Variants in TRMT9B observed in about 807,000 individuals in gnomAD.
TRMT9B encodes the protein tRNA methyltransferase 9B (putative), also known as probable tRNA methyltransferase 9B.
TRMT9B carries 16 observed loss-of-function variants against 11.5 expected under a neutral mutation model. The ratio of observed to expected loss-of-function variants is 1.39; its 90% CI spans 0.94 to 2.11. The LOEUF (loss-of-function observed/expected upper bound fraction) is 2.11. Among genes scored for constraint, TRMT9B ranks in the 30% most tolerant of loss-of-function variants. The pLI is 0.00. For synonymous variants in TRMT9B, 274 were observed against 192.4 expected (o/e 1.42, Z -3.51); for missense variants, 941 against 553.8 (o/e 1.70, Z -7.02).
chr8:13,019,219 C>T (rs766619125), intron 4 of TRMT9B, among the ~76,000 whole-genome samples: 4 of 152,126 alleles, frequency 2.6e-5, no homozygotes, highest in African/African-American at 4.8e-5. Context: ...CCATAGAAGA[C>T]GCTCTAAAGT....
At chr8:13,016,519 G>C (rs1393865158) in intron 4 of TRMT9B, among the ~76,000 whole-genome samples, 1 of 151,260 alleles carries the variant, frequency 6.6e-6, no homozygotes, top group East Asian at 1.9e-4. Context: ...TTAACAGGAA[G>C]AAATATATAA....
intron 4 of TRMT9B, 122 bp from the exon 5 acceptor site, chr8:13,020,886 G>T: frequency 1.7e-6 from 1 of 605,098 alleles, no homozygotes; most frequent in African/African-American, 1.9e-5. Flanking sequence ...TTGCCATGGA[G>T]GAAATAAGAA....
intron 3 of TRMT9B, among the ~76,000 whole-genome samples, chr8:13,008,649 G>T (rs980624528): frequency 1.3e-5 from 2 of 152,268 alleles, no homozygotes; most frequent in South Asian, 4.1e-4. Flanking sequence ...CAAAAATCTA[G>T]ACAGACATAC....
chr8:12,981,433 A>G (rs1805370861), intron 1 of TRMT9B, among the ~76,000 whole-genome samples: 1 of 152,094 alleles, frequency 6.6e-6, no homozygotes. Context: ...TTCTCTTTAG[A>G]GCTGGAGAGT....
intron 1 of TRMT9B, among the ~76,000 whole-genome samples, chr8:12,986,461 G>T (rs1028517764): frequency 2.0e-5 from 3 of 152,270 alleles, no homozygotes; most frequent in Admixed American, 6.5e-5. Flanking sequence ...TGTTCACACA[G>T]CTCATACTGT....
intron 1 of TRMT9B, 43 bp downstream of exon 1, chr8:12,946,009 T>C (rs1451271093): frequency 1.3e-5 from 2 of 152,150 alleles, no homozygotes; most frequent in Non-Finnish European, 2.9e-5. Flanking sequence ...GTTGTGATAT[T>C]TGTGATTAGT....
chr8:12,959,246 A>C (rs1375136859), intron 1 of TRMT9B, among the ~76,000 whole-genome samples: 1 of 152,114 alleles, frequency 6.6e-6, no homozygotes, highest in Non-Finnish European at 1.5e-5. Context: ...AGTATCCAAA[A>C]ATTTTTGAGC....
At chr8:12,973,589 G>A (rs1803961801) in intron 1 of TRMT9B, among the ~76,000 whole-genome samples, 1 of 152,186 alleles carries the variant, frequency 6.6e-6, no homozygotes, top group African/African-American at 2.4e-5. Flanking sequence ...AAGACAGGTG[G>A]CATTGGCTAG....
intron 1 of TRMT9B, chr8:12,952,267 C>T (rs1419345905): frequency 4.9e-6 from 2 of 410,826 alleles, no homozygotes; most frequent in Non-Finnish European, 1.0e-5. Context: ...CGCCCTAGAT[C>T]CGCTGCCTCG....
rs916464713 is a variant in TRMT9B, at chr8:13,021,523, G to GT, written c.845dup (p.Thr283AsnfsTer9). 1.2e-6 allele frequency: 2 copies of GT among 1,613,738 alleles called. No homozygotes were observed. The highest frequency in any genetic ancestry group is 1.7e-5 in the Admixed American group (1 of 60,002). ...CACAGAAGTTTGGGCCAGTAGCACT[G>GT]TAACAGTCCAGCCTTCCAGACACTC... is the stretch of plus-strand genomic sequence containing the variant. On this transcript the variant is annotated frameshift_variant, in exon 5 of 5. Transcript: ENST00000524591. LOFTEE classifies it low-confidence loss of function (END_TRUNC).
intron 1 of TRMT9B, among the ~76,000 whole-genome samples, chr8:12,949,152 TTTTC>T (rs1339221778): frequency 2.0e-5 from 3 of 152,120 alleles, no homozygotes; most frequent in Admixed American, 6.5e-5. Context: ...TTTCTTTTTC[TTTTC>T]TTTCTTTCTT....
At chr8:12,976,992 G>T (rs570741193) in intron 1 of TRMT9B, among the ~76,000 whole-genome samples, 4 of 152,158 alleles carry the variant, frequency 2.6e-5, no homozygotes, top group Non-Finnish European at 4.4e-5. Context: ...CCAGATGGAG[G>T]CCTGAGGGCA....
intron 3 of TRMT9B, among the ~76,000 whole-genome samples, chr8:13,009,227 A>G (rs867624747): frequency 6.6e-6 from 1 of 151,924 alleles, no homozygotes; most frequent in Non-Finnish European, 1.5e-5. Context: ...AGAGATTAAA[A>G]TGGTGGTTAC....
intron 4 of TRMT9B, among the ~76,000 whole-genome samples, chr8:13,018,110 A>AC (rs35118194): frequency 6.1e-5 from 9 of 148,630 alleles, no homozygotes; most frequent in Admixed American, 4.0e-4. Flanking sequence ...AAAAAAAAAA[A>AC]AAAAAACTTG....
intron 1 of TRMT9B, among the ~76,000 whole-genome samples, chr8:12,989,276 T>C (rs1563370302): frequency 6.6e-6 from 1 of 152,202 alleles, no homozygotes; most frequent in East Asian, 1.9e-4. Flanking sequence ...ACTGATTTAA[T>C]AAAAAGTCTC....
intron 1 of TRMT9B, among the ~76,000 whole-genome samples, chr8:12,972,904 G>A (rs1348541477): frequency 6.6e-6 from 1 of 152,088 alleles, no homozygotes; most frequent in Non-Finnish European, 1.5e-5. Context: ...TAACAGTCTT[G>A]TGCAACCATC....
rs1042789867 is a variant in TRMT9B, at chr8:13,022,479, A to C, written c.*435A>C. 4.7e-5 allele frequency: 8 copies of C among 169,680 alleles called. No individual in the cohort carries two copies. Among genetic ancestry groups the C allele is most frequent in the African/African-American group, 1.9e-4 (8 of 41,512 alleles). The allele number at this position is 169,680 out of a possible 1,614,324, so 10.5% of individuals were successfully genotyped here. ...TATAACTGAGAGCAGTGTGCAAGAT[A>C]ATAGGTAAATTTGATCCATTGCACA... On this transcript the variant is annotated 3_prime_UTR_variant, in exon 5 of 5. Transcript: ENST00000524591.
chr8:13,027,638 G>A lies in TRMT9B; in HGVS notation c.*5594G>A, dbSNP rs1814847979. 6.0e-6 allele frequency: 1 copy of A among 166,922 alleles called. No homozygotes were observed. The highest frequency in any genetic ancestry group is 2.1e-4 in the South Asian group (1 of 4,828). 10.3% of individuals were successfully genotyped at this position (166,922 alleles called of 1,614,324 possible). ...TTCATAAGAAATTACATAATGACAA[G>A]TAATTCCCACATTCCCTAGATATAT... On this transcript the variant is annotated 3_prime_UTR_variant, in exon 5 of 5. Transcript: ENST00000524591.
intron 2 of TRMT9B, among the ~76,000 whole-genome samples, chr8:13,000,672 TCG>T (rs1188002842): frequency 6.6e-6 from 1 of 152,216 alleles, no homozygotes; most frequent in African/African-American, 2.4e-5. Context: ...TAAGGTTACC[TCG>T]TAAGCTTTAC....
Sources: allele counts gnomAD v4.1 joint callset (sites outside exome capture counted in the v4.1 genomes callset), GRCh38; gene constraint gnomAD v4.1.1; transcripts MANE v1.5; gene names NCBI Gene and HGNC (gene_info 2026-07-23, HGNC 2026-07-21).